The following PXDNL variants were observed in gnomAD, a reference collection of about 807,000 sequenced individuals.
The protein encoded by PXDNL is peroxidasin like.
PXDNL carries 145 observed loss-of-function variants against 150.8 expected under a neutral mutation model. The ratio of observed to expected loss-of-function variants is 0.96; its 90% confidence interval spans 0.84 to 1.10. The LOEUF (loss-of-function observed/expected upper bound fraction) is 1.10, where lower values mean the gene tolerates loss of function less well. Ranked by LOEUF, PXDNL falls within the 50% of genes least tolerant of loss-of-function variation. PXDNL has a pLI of 0.00. For missense variants in PXDNL, 2,087 were observed against 1,873.9 expected, an observed-to-expected ratio of 1.11 and a Z score of -2.10; for synonymous variants, 757 against 725.7, an observed-to-expected ratio of 1.04 and a Z score of -0.69.
chr8:51,700,585 CACA>C (rs1816236904), intron 1 of PXDNL, among the ~76,000 whole-genome samples: 1 of 9,428 alleles, frequency 1.1e-4, no homozygotes, highest in African/African-American at 3.6e-4. Context: ...CCCATATACA[CACA>C]TATACACACA....
At chr8:51,725,328 T>C (rs145450068) in intron 1 of PXDNL, among the ~76,000 whole-genome samples, 2,414 of 152,292 alleles carry the variant, frequency 0.016, 32 homozygotes, top group Middle Eastern at 0.02. Context: ...GTCTTTCCCA[T>C]TGGCAAGAAA....
chr8:51,344,914 T>A (rs1778971340), intron 20 of PXDNL, among the ~76,000 whole-genome samples: 1 of 152,220 alleles, frequency 6.6e-6, no homozygotes, highest in African/African-American at 2.4e-5. Context: ...TGTGCCTGAC[T>A]CTAAAGCCTT....
At chr8:51,766,978 C>T (rs1225204069) in intron 1 of PXDNL, among the ~76,000 whole-genome samples, 1 of 151,950 alleles carries the variant, frequency 6.6e-6, no homozygotes. Context: ...CCCCATGGAG[C>T]TTTTTAGATT....
intron 17 of PXDNL, among the ~76,000 whole-genome samples, chr8:51,407,443 T>C (rs2915498): frequency 0.59 from 89,838 of 152,030 alleles, 29,233 homozygotes; most frequent in Non-Finnish European, 0.72. Flanking sequence ...AAACTGTTTT[T>C]AAAAAAATAT....
At chr8:51,587,749 A>G (rs969044752) in intron 3 of PXDNL, among the ~76,000 whole-genome samples, 2 of 152,196 alleles carry the variant, frequency 1.3e-5, no homozygotes, top group African/African-American at 4.8e-5. Flanking sequence ...TTAACTCAAC[A>G]TAACTGAGAG....
At chr8:51,702,611 A>G (rs576780609) in intron 1 of PXDNL, among the ~76,000 whole-genome samples, 1 of 152,314 alleles carries the variant, frequency 6.6e-6, no homozygotes, top group East Asian at 1.9e-4. Flanking sequence ...TGGGACATTG[A>G]CAAGGTACTT....
At chr8:51,757,314 A>C (rs2037112706) in intron 1 of PXDNL, among the ~76,000 whole-genome samples, 1 of 152,200 alleles carries the variant, frequency 6.6e-6, no homozygotes. Flanking sequence ...AAACCTCCTG[A>C]CATCGAGGAT....
At chr8:51,618,713 T>C (rs1255768562) in intron 2 of PXDNL, among the ~76,000 whole-genome samples, 1 of 152,182 alleles carries the variant, frequency 6.6e-6, no homozygotes, top group African/African-American at 2.4e-5. Context: ...TGACATTTTG[T>C]GCTCTGCACT....
intron 1 of PXDNL, among the ~76,000 whole-genome samples, chr8:51,765,500 C>G (rs1324596573): frequency 2.6e-5 from 4 of 152,156 alleles, no homozygotes; most frequent in African/African-American, 9.7e-5. Flanking sequence ...AACACTATTT[C>G]ATTCTTTTCC....
At chr8:51,724,637 A>G (rs1279984574) in intron 1 of PXDNL, among the ~76,000 whole-genome samples, 1 of 152,332 alleles carries the variant, frequency 6.6e-6, no homozygotes, top group Middle Eastern at 3.4e-3. Context: ...ATAAAATGCC[A>G]TGGACACTAC....
intron 5 of PXDNL, among the ~76,000 whole-genome samples, chr8:51,490,903 G>A (rs1444451381): frequency 6.6e-6 from 1 of 152,062 alleles, no homozygotes; most frequent in Non-Finnish European, 1.5e-5. Flanking sequence ...TGATTGGATT[G>A]AAGGCTGCAA....
intron 3 of PXDNL, among the ~76,000 whole-genome samples, chr8:51,591,674 A>G (rs531127382): frequency 6.6e-6 from 1 of 151,554 alleles, no homozygotes; most frequent in Non-Finnish European, 1.5e-5. Flanking sequence ...GCTGGAGTGC[A>G]GTGGCGCCAT....
chr8:51,780,653 T>C (rs1360829771), intron 1 of PXDNL, among the ~76,000 whole-genome samples: 1 of 118,502 alleles, frequency 8.4e-6, no homozygotes, highest in East Asian at 2.5e-4. Context: ...TCTTTTCTTT[T>C]CTTTTTTTTT....
intron 2 of PXDNL, among the ~76,000 whole-genome samples, chr8:51,632,185 T>C (rs575610454): frequency 6.6e-6 from 1 of 152,266 alleles, no homozygotes; most frequent in East Asian, 1.9e-4. Context: ...TCTACAGTAA[T>C]AGTTGGAGAC....
At chr8:51,805,194 C>T (rs1352239927) in intron 1 of PXDNL, among the ~76,000 whole-genome samples, 1 of 151,856 alleles carries the variant, frequency 6.6e-6, no homozygotes, top group Non-Finnish European at 1.5e-5. Context: ...AAAGTTCAGG[C>T]CTGTTCATTA....
At chr8:51,736,127 A>C (rs551825323) in intron 1 of PXDNL, among the ~76,000 whole-genome samples, 1 of 152,326 alleles carries the variant, frequency 6.6e-6, no homozygotes, top group South Asian at 2.1e-4. Flanking sequence ...TGTCTAAATA[A>C]ATTAAGAGAG....
At chr8:51,677,168 T>C (rs1815643928) in intron 1 of PXDNL, among the ~76,000 whole-genome samples, 1 of 152,212 alleles carries the variant, frequency 6.6e-6, no homozygotes, top group Non-Finnish European at 1.5e-5. Flanking sequence ...TTAGTAAGCA[T>C]TTCTGTTGCC....
intron 4 of PXDNL, among the ~76,000 whole-genome samples, chr8:51,540,862 G>A (rs1345910812): frequency 6.6e-6 from 1 of 151,750 alleles, no homozygotes. Flanking sequence ...CTTGTATTTT[G>A]TAACTCTTGT....
intron 4 of PXDNL, among the ~76,000 whole-genome samples, chr8:51,519,700 A>G (rs911308582): frequency 9.9e-5 from 15 of 152,226 alleles, no homozygotes; most frequent in African/African-American, 3.4e-4. Flanking sequence ...TTCATCAATA[A>G]CAAAAACTGC....
Sources: gnomAD v4.1 joint callset for allele counts (sites outside exome capture counted in the v4.1 genomes callset) on GRCh38, gnomAD v4.1.1 for gene constraint, MANE v1.5 for transcripts, NCBI Gene and HGNC (gene_info 2026-07-23, HGNC 2026-07-21) for gene names.